Variants in TP63 observed in about 807,000 individuals in gnomAD.
TP63 encodes the protein tumor protein p63.
Under a neutral mutation model 82.8 loss-of-function variants are expected in TP63, and 17 were observed. The ratio of observed to expected loss-of-function variants is 0.21; its 90% confidence interval spans 0.14 to 0.31. TP63 has a LOEUF of 0.31. Ranked by LOEUF, TP63 falls within the 10% of genes least tolerant of loss-of-function variation. TP63 has a pLI of 1.00. For missense variants in TP63, 648 were observed against 895.3 expected, an observed-to-expected ratio of 0.72 and a Z score of 3.52; for synonymous variants, 330 against 321.7, an observed-to-expected ratio of 1.03 and a Z score of -0.28.
chr3:189,760,301 C>A (rs1722473990), intron 3 of TP63, among the ~76,000 whole-genome samples: 1 of 152,190 alleles, frequency 6.6e-6, no homozygotes, highest in Non-Finnish European at 1.5e-5. Flanking sequence ...GTCCCTTCTG[C>A]CTATGAGCCT....
chr3:189,713,126 A>G (rs1718714121), intron 1 of TP63, among the ~76,000 whole-genome samples: 1 of 152,198 alleles, frequency 6.6e-6, no homozygotes. Flanking sequence ...ATTGAGATGC[A>G]AAAACCTCAA....
chr3:189,693,492 T>C (rs1717106713), intron 1 of TP63, among the ~76,000 whole-genome samples: 1 of 152,212 alleles, frequency 6.6e-6, no homozygotes, highest in African/African-American at 2.4e-5. Context: ...TGTGGAATGA[T>C]AATAGCTAAA....
intron 1 of TP63, among the ~76,000 whole-genome samples, chr3:189,711,845 C>T (rs1718618180): frequency 6.6e-6 from 1 of 152,138 alleles, no homozygotes; most frequent in South Asian, 2.1e-4. Flanking sequence ...GATGTATGGG[C>T]TTGAGCAAAG....
intron 4 of TP63, among the ~76,000 whole-genome samples, chr3:189,862,411 C>T (rs1170929937): frequency 1.3e-5 from 2 of 151,874 alleles, no homozygotes; most frequent in African/African-American, 4.8e-5. Flanking sequence ...ATTCTTAATG[C>T]TTTTATACTG....
the TP63 span, among the ~76,000 whole-genome samples, chr3:189,608,539 T>G: frequency 2.0e-4 from 30 of 152,284 alleles, no homozygotes; most frequent in African/African-American, 6.7e-4. Context: ...GGACAGGTGA[T>G]GCAAAAATTT....
intron 1 of TP63, among the ~76,000 whole-genome samples, chr3:189,651,017 G>A (rs2108635869): frequency 6.8e-6 from 1 of 147,332 alleles, no homozygotes; most frequent in South Asian, 2.2e-4. Flanking sequence ...AGGCTGAGGT[G>A]GTCTTAGATA....
At position 189,798,122 on chromosome 3, in the gene TP63, G is replaced by A. The variant is rs575586763; in HGVS notation, c.325-10150G>A. On this transcript the variant is annotated intron_variant, in intron 3 of 13. Transcript: ENST00000264731. ...CTCAGTAATGTTCCCTGAATGTGAT[G>A]AGGACATGCATCTGTTGCTGTTGCT... Among the ~76,000 whole-genome samples the A allele has an allele frequency of 4.6e-5, 7 of 152,166 alleles. No individual in the cohort carries two copies. In the South Asian group the frequency reaches 1.5e-3, roughly 32 times the overall value.
intron 1 of TP63, among the ~76,000 whole-genome samples, chr3:189,640,458 G>C (rs115539960): frequency 2.0e-5 from 3 of 152,098 alleles, no homozygotes; most frequent in African/African-American, 7.2e-5. Flanking sequence ...ATTAATGCAC[G>C]ATTTATCTTC....
the TP63 span, among the ~76,000 whole-genome samples, chr3:189,597,417 ACT>A: frequency 0.43 from 65,516 of 151,830 alleles, 14,913 homozygotes; most frequent in East Asian, 0.67. Flanking sequence ...ATATGCTCAA[ACT>A]CTCTCTACCA....
chr3:189,743,132 A>G (rs182483206), intron 3 of TP63, among the ~76,000 whole-genome samples: 16 of 152,192 alleles, frequency 1.1e-4, no homozygotes, highest in Non-Finnish European at 1.8e-4. Flanking sequence ...TCAAAATTTA[A>G]TAAGAGAGAT....
chr3:189,771,921 T>G (rs543291253), intron 3 of TP63, among the ~76,000 whole-genome samples: 1 of 151,580 alleles, frequency 6.6e-6, no homozygotes, highest in South Asian at 2.1e-4. Flanking sequence ...GTAGATATCA[T>G]TCTCAATGGG....
At chr3:189,728,343 A>G (rs1719918933) in intron 1 of TP63, among the ~76,000 whole-genome samples, 1 of 152,228 alleles carries the variant, frequency 6.6e-6, no homozygotes, top group Non-Finnish European at 1.5e-5. Context: ...TGCCATTTCA[A>G]TGTGGGTAAA....
chr3:189,636,214 G>A (rs887793020), intron 1 of TP63, among the ~76,000 whole-genome samples: 5 of 152,100 alleles, frequency 3.3e-5, no homozygotes, highest in Non-Finnish European at 7.4e-5. Flanking sequence ...ATTACCATGC[G>A]CTGCGTCTGA....
chr3:189,627,500 G>A (rs1729346298), upstream of TP63, among the ~76,000 whole-genome samples: 1 of 152,120 alleles, frequency 6.6e-6, no homozygotes, highest in African/African-American at 2.4e-5. Flanking sequence ...CAACATAGTA[G>A]CCAGTAGCCT....
intron 10 of TP63, among the ~76,000 whole-genome samples, chr3:189,875,603 T>TATATATATATATAC (rs1553859608): frequency 2.8e-5 from 1 of 35,114 alleles, no homozygotes; most frequent in African/African-American, 7.8e-5. Flanking sequence ...CATATATATA[T>TATATATATATATAC]ATATATATAT....
chr3:189,638,471 A>C (rs1307766518), intron 1 of TP63, among the ~76,000 whole-genome samples: 2 of 152,108 alleles, frequency 1.3e-5, no homozygotes, highest in Admixed American at 1.3e-4. Context: ...GAGGCAGTAA[A>C]TTGAAACAGT....
At chr3:189,722,451 G>A (rs1349919305) in intron 1 of TP63, among the ~76,000 whole-genome samples, 2 of 152,184 alleles carry the variant, frequency 1.3e-5, no homozygotes, top group African/African-American at 4.8e-5. Context: ...TTGGACCAGA[G>A]GGCCTTAGAG....
rs534567018 is a variant in TP63, at chr3:189,746,429, G to A, written c.324+7655G>A. 2.6e-5 allele frequency among the ~76,000 whole-genome samples: 4 copies of A among 150,962 alleles called. No individual in the cohort carries two copies. The South Asian group carries it at 8.4e-4, about 32-fold the overall frequency. ...ATGCTTAAGAGAATCCTATACCCCA[G>A]AAGCAAAGGAAGGATATTTACCGTC... On this transcript the variant is annotated intron_variant, in intron 3 of 13. Transcript: ENST00000264731.
intron 3 of TP63, among the ~76,000 whole-genome samples, chr3:189,755,999 T>C (rs890712348): frequency 3.3e-5 from 5 of 152,126 alleles, no homozygotes; most frequent in Non-Finnish European, 5.9e-5. Flanking sequence ...TGAGCAGACC[T>C]AGCTGGGATG....
Sources: allele counts gnomAD v4.1 joint callset (sites outside exome capture counted in the v4.1 genomes callset), GRCh38; gene constraint gnomAD v4.1.1; transcripts MANE v1.5; gene names NCBI Gene and HGNC (gene_info 2026-07-23, HGNC 2026-07-21).